Variants in KCNH7 observed in about 807,000 individuals in gnomAD.
KCNH7 encodes potassium voltage-gated channel subfamily H member 7.
In KCNH7, 49 loss-of-function variants were observed where a neutral mutation model predicts 120.8. The ratio of observed to expected loss-of-function variants is 0.41; its 90% CI spans 0.32 to 0.51. The LOEUF (loss-of-function observed/expected upper bound fraction) is 0.51. KCNH7 is among the 20% of genes least tolerant of loss of function. The probability of loss-of-function intolerance (pLI) is 0.38; values close to 1 mark genes in which losing one functional copy is unlikely to be tolerated. For missense variants in KCNH7, 1,097 were observed against 1,446.6 expected, an observed-to-expected ratio of 0.76 and a Z score of 3.92; for synonymous variants, 547 against 516.1, an observed-to-expected ratio of 1.06 and a Z score of -0.81.
chr2:162,609,052 C>T (rs1182728561), intron 2 of KCNH7, among the ~76,000 whole-genome samples: 1 of 152,058 alleles, frequency 6.6e-6, no homozygotes, highest in Non-Finnish European at 1.5e-5. Context: ...ACACCGCCAG[C>T]CCCCCAACAC....
intron 9 of KCNH7, among the ~76,000 whole-genome samples, chr2:162,408,512 A>G (rs1469520605): frequency 6.6e-6 from 1 of 151,988 alleles, no homozygotes; most frequent in Non-Finnish European, 1.5e-5. Context: ...CTAACACTCG[A>G]GTCATAAAAC....
chr2:162,522,516 A>G (rs1016967618), intron 3 of KCNH7, among the ~76,000 whole-genome samples: 1 of 151,910 alleles, frequency 6.6e-6, no homozygotes, highest in African/African-American at 2.4e-5. Context: ...ATTTTGCTCA[A>G]TGTTAGCACT....
intron 2 of KCNH7, among the ~76,000 whole-genome samples, chr2:162,825,995 G>A (rs761230469): frequency 1.5e-5 from 2 of 136,112 alleles, no homozygotes; most frequent in Non-Finnish European, 3.3e-5. Flanking sequence ...TTTCAACAGT[G>A]AGGTTAAATC....
intron 2 of KCNH7, among the ~76,000 whole-genome samples, chr2:162,836,049 G>A (rs1244083209): frequency 6.6e-6 from 1 of 152,140 alleles, no homozygotes; most frequent in South Asian, 2.1e-4. Context: ...GTAAGAAGGA[G>A]CAAAAGAAAC....
chr2:162,813,219 A>T (rs2105573276), intron 2 of KCNH7, among the ~76,000 whole-genome samples: 1 of 152,262 alleles, frequency 6.6e-6, no homozygotes, highest in East Asian at 1.9e-4. Flanking sequence ...TTCTCTCCAG[A>T]ACCCAAGCAG....
intron 6 of KCNH7, among the ~76,000 whole-genome samples, chr2:162,462,246 G>T (rs1689168189): frequency 6.6e-6 from 1 of 152,042 alleles, no homozygotes; most frequent in Non-Finnish European, 1.5e-5. Flanking sequence ...AAATGTGTGT[G>T]TATGTATGTG....
intron 2 of KCNH7, among the ~76,000 whole-genome samples, chr2:162,763,363 C>T (rs2105455232): frequency 6.6e-6 from 1 of 152,144 alleles, no homozygotes; most frequent in African/African-American, 2.4e-5. Flanking sequence ...ATTTGCTTTC[C>T]ACTTAACGAT....
chr2:162,645,114 A>C (rs1684309031), intron 2 of KCNH7, among the ~76,000 whole-genome samples: 1 of 152,026 alleles, frequency 6.6e-6, no homozygotes, highest in African/African-American at 2.4e-5. Flanking sequence ...CCATGGCACT[A>C]CTTTGTTTCA....
chr2:162,525,481 C>A (rs536053872), intron 3 of KCNH7, among the ~76,000 whole-genome samples: 1 of 151,988 alleles, frequency 6.6e-6, no homozygotes, highest in South Asian at 2.1e-4. Flanking sequence ...ATTTCAGCCT[C>A]TTAGGGTTAA....
At chr2:162,694,505 T>TGA (rs1201440928) in intron 2 of KCNH7, among the ~76,000 whole-genome samples, 2 of 151,580 alleles carry the variant, frequency 1.3e-5, no homozygotes, top group East Asian at 1.9e-4. Context: ...TGTGTGTGTG[T>TGA]GATCCTCACA....
At chr2:162,486,377 C>A (rs914713947) in intron 6 of KCNH7, among the ~76,000 whole-genome samples, 1 of 152,174 alleles carries the variant, frequency 6.6e-6, no homozygotes, top group Admixed American at 6.5e-5. Flanking sequence ...TTCTCCATTA[C>A]TCTGCAGCCC....
chr2:162,673,581 C>T (rs1390350541), intron 2 of KCNH7, among the ~76,000 whole-genome samples: 1 of 152,052 alleles, frequency 6.6e-6, no homozygotes, highest in Non-Finnish European at 1.5e-5. Context: ...TTCTCCCTTG[C>T]ACTTTTGCTT....
intron 2 of KCNH7, among the ~76,000 whole-genome samples, chr2:162,802,972 A>T (rs912638764): frequency 1.3e-5 from 2 of 151,798 alleles, no homozygotes; most frequent in Non-Finnish European, 3.0e-5. Flanking sequence ...TCATAGCTAC[A>T]TATGGGTAGG....
At chr2:162,395,773 G>T (rs1056303754) in intron 11 of KCNH7, among the ~76,000 whole-genome samples, 1 of 151,514 alleles carries the variant, frequency 6.6e-6, no homozygotes, top group South Asian at 2.1e-4. Flanking sequence ...GCATCTAGGG[G>T]CCCTTAAAAT....
intron 6 of KCNH7, among the ~76,000 whole-genome samples, chr2:162,477,939 G>A (rs1414639071): frequency 6.8e-6 from 1 of 147,794 alleles, no homozygotes; most frequent in East Asian, 2.1e-4. Flanking sequence ...CTGTCCTCAT[G>A]GAACTTAGTC....
At chr2:162,794,063 C>G (rs34469654) in intron 2 of KCNH7, among the ~76,000 whole-genome samples, 33,180 of 151,680 alleles carry the variant, frequency 0.22, 3,910 homozygotes, top group East Asian at 0.32. Flanking sequence ...ACAATATTTA[C>G]TTGTCAATTA....
chr2:162,420,753 C>T (rs1314679468), intron 9 of KCNH7, among the ~76,000 whole-genome samples: 1 of 152,032 alleles, frequency 6.6e-6, no homozygotes, highest in Non-Finnish European at 1.5e-5. Flanking sequence ...TGAAATGTTT[C>T]GTGAGAAATT....
intron 2 of KCNH7, among the ~76,000 whole-genome samples, chr2:162,819,087 A>G (rs1559148555): frequency 6.6e-6 from 1 of 152,200 alleles, no homozygotes; most frequent in Admixed American, 6.5e-5. Context: ...AATCCAGATT[A>G]AAGGAGACTA....
intron 13 of KCNH7, among the ~76,000 whole-genome samples, chr2:162,381,102 G>A (rs1296873174): frequency 6.6e-6 from 1 of 152,012 alleles, no homozygotes; most frequent in East Asian, 1.9e-4. Context: ...AGATAAAGGA[G>A]AAACATTTTT....
Sources: allele counts gnomAD v4.1 joint callset (sites outside exome capture counted in the v4.1 genomes callset), GRCh38; gene constraint gnomAD v4.1.1; transcripts MANE v1.5; gene names NCBI Gene and HGNC (gene_info 2026-07-23, HGNC 2026-07-21).